PKIA: variants seen among roughly 807,000 people sequenced by gnomAD.
The protein encoded by PKIA is PKI-alpha.
A neutral mutation model predicts 7.6 loss-of-function variants in PKIA; 4 were observed. The ratio of observed to expected loss-of-function variants is 0.52; its 90% confidence interval spans 0.26 to 1.20. The LOEUF (loss-of-function observed/expected upper bound fraction) is 1.20. Among genes scored for constraint, PKIA ranks in the 50% most tolerant of loss-of-function variants. The pLI is 0.13. For missense variants in PKIA, 73 were observed against 86.2 expected (o/e 0.85, Z 0.61); for synonymous variants, 21 against 30.7 (o/e 0.68, Z 1.04).
At chr8:78,555,438 A>G (rs1172648059) in intron 1 of PKIA, among the ~76,000 whole-genome samples, 1 of 152,064 alleles carries the variant, frequency 6.6e-6, no homozygotes, top group Non-Finnish European at 1.5e-5. Flanking sequence ...GCAAAGAGAC[A>G]AGAGTCTGCT....
chr8:78,579,189 A>G (rs1807747074), intron 2 of PKIA, among the ~76,000 whole-genome samples: 1 of 151,902 alleles, frequency 6.6e-6, no homozygotes, highest in African/African-American at 2.4e-5. Flanking sequence ...TGCTTGCCTC[A>G]CCTAGTGCAA....
At chr8:78,601,059 T>TTA (rs1197228981) in intron 3 of PKIA, among the ~76,000 whole-genome samples, 1 of 152,086 alleles carries the variant, frequency 6.6e-6, no homozygotes, top group Non-Finnish European at 1.5e-5. Context: ...TGACCTAATA[T>TTA]GGAGTGAAAG....
At chr8:78,565,522 G>T (rs959426823) in intron 1 of PKIA, among the ~76,000 whole-genome samples, 1 of 151,958 alleles carries the variant, frequency 6.6e-6, no homozygotes, top group Non-Finnish European at 1.5e-5. Flanking sequence ...AAACCTGAAA[G>T]ATCCTTAATA....
chr8:78,544,643 T>C (rs1305318818), intron 1 of PKIA, among the ~76,000 whole-genome samples: 1 of 152,196 alleles, frequency 6.6e-6, no homozygotes, highest in East Asian at 1.9e-4. Context: ...AAAAATACTT[T>C]TCATCTATTA....
intron 1 of PKIA, among the ~76,000 whole-genome samples, chr8:78,550,986 T>C (rs907273749): frequency 6.6e-6 from 1 of 152,130 alleles, no homozygotes; most frequent in Non-Finnish European, 1.5e-5. Context: ...TTGCAAGTTT[T>C]TGTCTGTTTA....
intron 1 of PKIA, among the ~76,000 whole-genome samples, chr8:78,519,476 G>A (rs1809376181): frequency 6.6e-6 from 1 of 152,014 alleles, no homozygotes. Context: ...GTTCAGAAAT[G>A]TTGAAATGGA....
chr8:78,518,889 G>A (rs907765192), intron 1 of PKIA, among the ~76,000 whole-genome samples: 15 of 152,238 alleles, frequency 9.9e-5, no homozygotes, highest in Middle Eastern at 3.4e-3. Context: ...CCTGAATTTG[G>A]ACTTTGTTGT....
intron 2 of PKIA, among the ~76,000 whole-genome samples, chr8:78,580,953 CATGTATGT>C (rs148807904): frequency 2.0e-5 from 3 of 151,884 alleles, no homozygotes; most frequent in Admixed American, 6.6e-5. Context: ...CGTGTTTTCA[CATGTATGT>C]ATGTATGTAT....
At chr8:78,564,321 G>A (rs1436131947) in intron 1 of PKIA, among the ~76,000 whole-genome samples, 1 of 151,968 alleles carries the variant, frequency 6.6e-6, no homozygotes, top group African/African-American at 2.4e-5. Context: ...CCTGTCACGT[G>A]ATTTTTCTCC....
chr8:78,558,374 A>C (rs1346337348), intron 1 of PKIA: 1 of 152,888 alleles, frequency 6.5e-6, no homozygotes, highest in Admixed American at 6.5e-5. Context: ...CATGCTGCTG[A>C]TAAAGATATA....
rs938297863 is a variant in PKIA at position 78,516,426 on chromosome 8, T to C, written c.-199T>C. 7 of 152,232 alleles carry C rather than the reference T, an allele frequency of 4.6e-5. No individual in the cohort carries two copies. Among genetic ancestry groups the C allele is most frequent in the African/African-American group, 1.7e-4 (7 of 41,422 alleles). The allele number at this position is 152,232 out of a possible 1,614,324, so 9.4% of individuals were successfully genotyped here. ...GCGGGCGCGGCGGGACTGCGGCCCG[T>C]GGCGGCGTGCGCGGGGACCTGCGCT... On this transcript the variant is annotated 5_prime_UTR_variant, in exon 1 of 4. Coordinates refer to ENST00000396418, the MANE Select transcript of PKIA (RefSeq NM_006823.4).
At chr8:78,585,419 A>C (rs1259466817) in intron 2 of PKIA, among the ~76,000 whole-genome samples, 1 of 152,172 alleles carries the variant, frequency 6.6e-6, no homozygotes, top group Non-Finnish European at 1.5e-5. Context: ...AACTTATAAC[A>C]GTGTCAGAGA....
At chr8:78,590,482 T>C (rs1808068551) in intron 2 of PKIA, among the ~76,000 whole-genome samples, 1 of 152,026 alleles carries the variant, frequency 6.6e-6, no homozygotes, top group Non-Finnish European at 1.5e-5. Flanking sequence ...AAAAATAATA[T>C]CTCTGTTAAG....
At chr8:78,565,982 A>C (rs1313811216) in intron 1 of PKIA, among the ~76,000 whole-genome samples, 1 of 152,010 alleles carries the variant, frequency 6.6e-6, no homozygotes, top group Non-Finnish European at 1.5e-5. Flanking sequence ...TTCGATAAAG[A>C]TTTAATTATT....
intron 1 of PKIA, among the ~76,000 whole-genome samples, chr8:78,518,791 G>C (rs115816000): frequency 5.4e-4 from 83 of 152,316 alleles, no homozygotes; most frequent in African/African-American, 2.0e-3. Context: ...TGGAGTTGGA[G>C]AAATCTTGTT....
intron 1 of PKIA, among the ~76,000 whole-genome samples, chr8:78,527,426 A>G (rs1806272440): frequency 6.6e-6 from 1 of 151,980 alleles, no homozygotes; most frequent in African/African-American, 2.4e-5. Flanking sequence ...TTCCTATTTC[A>G]AATATTTGAT....
intron 1 of PKIA, chr8:78,556,445 T>C (rs1807140079): frequency 6.6e-6 from 1 of 152,080 alleles, no homozygotes; most frequent in Non-Finnish European, 1.5e-5. Flanking sequence ...GGATTTTGTT[T>C]TTTTTTACAC....
At chr8:78,586,829 C>T (rs1585922542) in intron 2 of PKIA, among the ~76,000 whole-genome samples, 1 of 152,174 alleles carries the variant, frequency 6.6e-6, no homozygotes, top group Non-Finnish European at 1.5e-5. Context: ...AGTTTCATGA[C>T]TTAAGATTTC....
intron 2 of PKIA, among the ~76,000 whole-genome samples, chr8:78,580,388 C>T (rs186826306): frequency 3.4e-4 from 52 of 152,090 alleles, no homozygotes; most frequent in Non-Finnish European, 5.4e-4. Context: ...CTTTCCTTTC[C>T]TCATCCTCTT....
Sources: allele counts gnomAD v4.1 joint callset (sites outside exome capture counted in the v4.1 genomes callset), GRCh38; gene constraint gnomAD v4.1.1; transcripts MANE v1.5; gene names NCBI Gene and HGNC (gene_info 2026-07-23, HGNC 2026-07-21).